The following KIF9 variants were observed in gnomAD, a reference collection of about 807,000 sequenced individuals.
KIF9 encodes the protein kinesin family member 9.
KIF9 carries 68 observed loss-of-function variants against 94.8 expected under a neutral mutation model. The observed-to-expected ratio is 0.72, with a 90% CI of 0.59 to 0.88. The LOEUF is 0.88. KIF9 is among the 40% of genes least tolerant of loss of function. The probability of loss-of-function intolerance (pLI) is 0.00; values close to 1 mark genes in which losing one functional copy is unlikely to be tolerated. For synonymous variants in KIF9, 343 were observed against 362.1 expected (o/e 0.95, Z 0.60); for missense variants, 882 against 982.5 (o/e 0.90, Z 1.37).
chr3:47,278,862 C>T (rs1702137538), intron 1 of KIF9, among the ~76,000 whole-genome samples: 2 of 152,042 alleles, frequency 1.3e-5, no homozygotes, highest in African/African-American at 4.8e-5. Context: ...ATCCCAGCTA[C>T]TCAGAAGGCT....
chr3:47,242,600 A>G (rs923969116), intron 16 of KIF9, among the ~76,000 whole-genome samples: 6 of 152,168 alleles, frequency 3.9e-5, no homozygotes, highest in Non-Finnish European at 1.5e-5. Flanking sequence ...AAATGTATAT[A>G]TTTTGCTTTT....
intron 5 of KIF9, among the ~76,000 whole-genome samples, chr3:47,269,816 G>T (rs559041960): frequency 9.1e-6 from 1 of 109,708 alleles, no homozygotes; most frequent in Non-Finnish European, 1.8e-5. Flanking sequence ...TCCCTCTGTC[G>T]CCAGGCTGGA....
At chr3:47,254,977 T>C (rs1003899107) in intron 10 of KIF9, among the ~76,000 whole-genome samples, 1 of 152,208 alleles carries the variant, frequency 6.6e-6, no homozygotes, top group Non-Finnish European at 1.5e-5. Flanking sequence ...ACCGCTGCTC[T>C]AAGCTCCACT....
chr3:47,280,969 C>T, intron 1 of KIF9: 4 of 703,068 alleles, frequency 5.7e-6, no homozygotes, highest in Middle Eastern at 4.6e-4. Flanking sequence ...CTGCTTGTTA[C>T]CATTCTTACG....
At chr3:47,241,909 C>G (rs1266545541) in intron 16 of KIF9, among the ~76,000 whole-genome samples, 1 of 129,280 alleles carries the variant, frequency 7.7e-6, no homozygotes, top group African/African-American at 3.1e-5. Flanking sequence ...TCTTTGGAGA[C>G]AGCATGCTCT....
At chr3:47,270,666 C>T (rs537205899) in intron 5 of KIF9, among the ~76,000 whole-genome samples, 1 of 152,134 alleles carries the variant, frequency 6.6e-6, no homozygotes, top group South Asian at 2.1e-4. Context: ...AGGAAATGAG[C>T]TAAAATATAC....
chr3:47,261,475 C>G (rs1352105249), intron 9 of KIF9, among the ~76,000 whole-genome samples: 3 of 152,088 alleles, frequency 2.0e-5, no homozygotes, highest in Admixed American at 1.3e-4. Context: ...TTGGCAGTGA[C>G]GAACAGCCAG....
intron 17 of KIF9, chr3:47,239,674 G>A: frequency 8.8e-7 from 1 of 1,131,882 alleles, no homozygotes; most frequent in Non-Finnish European, 1.1e-6. Context: ...TACAACCTCT[G>A]CCTCCTGGGC....
At chr3:47,255,961 T>C (rs1700554772) in intron 10 of KIF9, among the ~76,000 whole-genome samples, 3 of 152,212 alleles carry the variant, frequency 2.0e-5, no homozygotes, top group South Asian at 2.1e-4. Flanking sequence ...GGGGTTTCGC[T>C]GTGTTGGCCG....
chr3:47,254,013 G>T (rs1700423237), intron 10 of KIF9, among the ~76,000 whole-genome samples: 2 of 152,194 alleles, frequency 1.3e-5, no homozygotes, highest in Admixed American at 1.3e-4. Context: ...AGAAGGGAGA[G>T]GAGTGCTAAA....
At chr3:47,267,729 CTAA>C (rs1234857541) in intron 5 of KIF9, among the ~76,000 whole-genome samples, 1 of 151,912 alleles carries the variant, frequency 6.6e-6, no homozygotes, top group Non-Finnish European at 1.5e-5. Flanking sequence ...CAGAATTCTG[CTAA>C]TAAGATGTTA....
rs1701889605 is a variant in KIF9, at chr3:47,275,286, A to G, written c.259+39T>C. 12 of 1,444,828 alleles carry G rather than the reference A, an allele frequency of 8.3e-6. No homozygotes were observed. The East Asian group carries it at 1.1e-4, about 14-fold the overall frequency. 89.5% of individuals were successfully genotyped at this position (1,444,828 alleles called of 1,614,324 possible). A position where few individuals can be genotyped will look rare whatever the true frequency, so the allele number is the denominator to read the frequency against. ...AAAATATTTGCATCTCTTACTCCTC[A>G]GGTTCTTACATAAGACAACATTTAA... On this transcript the variant is annotated intron_variant, in intron 3 of 20. Transcript: ENST00000684063.
In KIF9 at chr3:47,241,686, C is replaced by T. The variant is rs1165695154; in HGVS notation, c.1710-671G>A. 2.0e-5 allele frequency among the ~76,000 whole-genome samples: 3 copies of T among 147,268 alleles called. No homozygotes were observed. The Admixed American group carries it at 2.1e-4, about 10-fold the overall frequency. On this transcript the variant is annotated intron_variant, in intron 16 of 20. Transcript: ENST00000684063. ...GTGTGTGTGTGTATATACATATATGCATATATACATATATGCATACACACA... is the reference window on the plus strand; with the variant it reads ...GTGTGTGTGTGTATATACATATATGTATATATACATATATGCATACACACA...
At chr3:47,248,128 C>G in intron 10 of KIF9, 42 bp from the exon 11 acceptor site, 1 of 1,453,196 alleles carries the variant, frequency 6.9e-7, no homozygotes, top group Non-Finnish European at 9.6e-7. Context: ...CAGGAAGGAT[C>G]ATCAGAGAAG....
At chr3:47,236,281 T>A in intron 18 of KIF9, 132 bp from the exon 19 acceptor site, 1 of 989,632 alleles carries the variant, frequency 1.0e-6, no homozygotes, top group South Asian at 1.5e-5. Context: ...CCCATCTCCA[T>A]CTCTGGCCCT....
chr3:47,243,319 T>G, intron 15 of KIF9, 74 bp from the exon 16 acceptor site: 1 of 1,305,546 alleles, frequency 7.7e-7, no homozygotes, highest in Non-Finnish European at 1.1e-6. Flanking sequence ...GAGTGACCTT[T>G]CTCAGCACTG....
chr3:47,239,490 C>T, intron 17 of KIF9: 1 of 972,008 alleles, frequency 1.0e-6, no homozygotes. Flanking sequence ...AGGGCTTTGC[C>T]CTCAGGAATA....
At chr3:47,246,384 C>T in intron 12 of KIF9, 132 bp from the exon 13 acceptor site, 1 of 526,036 alleles carries the variant, frequency 1.9e-6, no homozygotes, top group South Asian at 4.4e-5. Context: ...AGGACGTGTG[C>T]ACACAGCCTC....
intron 15 of KIF9, chr3:47,244,282 G>A (rs1699777494): frequency 6.4e-6 from 1 of 155,744 alleles, no homozygotes; most frequent in Admixed American, 6.2e-5. Context: ...CAGCACCCTG[G>A]GAGGGCTCAC....
Sources: gnomAD v4.1 joint callset for allele counts (sites outside exome capture counted in the v4.1 genomes callset) on GRCh38, gnomAD v4.1.1 for gene constraint, MANE v1.5 for transcripts, NCBI Gene and HGNC (gene_info 2026-07-23, HGNC 2026-07-21) for gene names.